GBF1: variants seen among roughly 807,000 people sequenced by gnomAD.
The protein encoded by GBF1 is Golgi-specific brefeldin A-resistance guanine nucleotide exchange factor 1.
Under a neutral mutation model 210.5 loss-of-function variants are expected in GBF1, and 114 were observed. The ratio of observed to expected loss-of-function variants is 0.54; its 90% confidence interval spans 0.47 to 0.63. GBF1 has a LOEUF of 0.63. Among genes scored for constraint, GBF1 ranks in the 30% least tolerant of loss-of-function variants. The pLI is 0.00. For missense variants in GBF1, 1,851 were observed against 2,357.7 expected, an observed-to-expected ratio of 0.79 and a Z score of 4.45; for synonymous variants, 850 against 889.2, an observed-to-expected ratio of 0.96 and a Z score of 0.78.
intron 3 of GBF1, among the ~76,000 whole-genome samples, chr10:102,318,110 G>A (rs1334435364): frequency 4.0e-5 from 6 of 151,602 alleles, no homozygotes; most frequent in South Asian, 2.1e-4. Context: ...AGGTTTCACC[G>A]TGGTCTCGAT....
At chr10:102,377,826 C>T (rs961475118) in intron 33 of GBF1, among the ~76,000 whole-genome samples, 2 of 152,134 alleles carry the variant, frequency 1.3e-5, no homozygotes, top group Non-Finnish European at 2.9e-5. Flanking sequence ...CAGAGTTACC[C>T]TGTGTCTATT....
chr10:102,382,558 C>A lies in GBF1; in HGVS notation c.*222C>A. 1 of 497,940 alleles carries A rather than the reference C, an allele frequency of 2.0e-6. No individual in the cohort carries two copies. The highest frequency in any genetic ancestry group is 1.9e-5 in the African/African-American group (1 of 51,384). 30.8% of individuals were successfully genotyped at this position (497,940 alleles called of 1,614,324 possible). On this transcript the variant is annotated 3_prime_UTR_variant, in exon 40 of 40. Transcript: ENST00000369983. ...CTGCGCTCCATTCCTGGGGGTTCAGCCTGAGAGTGAACTCAGCTGTCATCT... is the reference window on the plus strand; with the variant it reads ...CTGCGCTCCATTCCTGGGGGTTCAGACTGAGAGTGAACTCAGCTGTCATCT...
At chr10:102,282,985 C>T (rs553231946) in intron 3 of GBF1, among the ~76,000 whole-genome samples, 83 of 152,138 alleles carry the variant, frequency 5.5e-4, no homozygotes, top group Middle Eastern at 3.4e-3. Flanking sequence ...GGTAAAGTAG[C>T]GGGTTACTAA....
At chr10:102,375,783 G>A (rs1415092159) in intron 30 of GBF1, among the ~76,000 whole-genome samples, 199 bp downstream of exon 30, 1 of 151,944 alleles carries the variant, frequency 6.6e-6, no homozygotes, top group Non-Finnish European at 1.5e-5. Flanking sequence ...CAATGCAGAC[G>A]GCTGTGAAGC....
Position 102,260,071 on chromosome 10 carries a change from C to A in GBF1, c.118C>A (p.Leu40Met). The A allele has an allele frequency of 6.3e-7, 1 of 1,591,528 alleles. No individual in the cohort carries two copies. The highest frequency in any genetic ancestry group is 8.6e-7 in the Non-Finnish European group (1 of 1,159,910). The change falls in exon 3 of 40, where the codon CTG becomes ATG. Residue 40 changes from leucine (L) to methionine (M), a missense_variant. Around this residue, in one of 3 missense-constraint regions of GBF1, gnomAD observed 804 missense variants for 958.6 expected, o/e 0.84. Coordinates refer to ENST00000369983, the MANE Select transcript of GBF1 (RefSeq NM_001377137.1). ...ACAGGATGAAGAACGGGATCCTCTG[C>A]TGCATAGTTTCGGTCATCTAAAGGA... Reference protein sequence around the residue: ...TPLDEERDPLLHSFGHLKEVL... With the variant: ...TPLDEERDPLMHSFGHLKEVL...
In GBF1 at chr10:102,362,562, C is replaced by G. The variant is rs576060189; in HGVS notation, c.1774C>G (p.His592Asp). ...LLTVIDSTEA[H>D]CQAKVLNSLT... ...GACAGTGATTGACAGCACCGAGGCC[C>G]ACTGCCAGGCTAAAGTCCTCAACAG... The change falls in exon 15 of 40, where the codon CAC becomes GAC. Residue 592 changes from histidine to aspartate, a missense_variant. His to Asp is a moderately conservative substitution (Grantham distance 81). Coordinates refer to ENST00000369983, the MANE Select transcript of GBF1 (RefSeq NM_001377137.1). 5.0e-6 allele frequency: 8 copies of G among 1,614,020 alleles called. No homozygotes were observed. In the East Asian group the frequency reaches 1.8e-4, roughly 36 times the overall value.
chr10:102,306,218 TG>T (rs2077856994), intron 3 of GBF1, among the ~76,000 whole-genome samples: 1 of 152,200 alleles, frequency 6.6e-6, no homozygotes, highest in African/African-American at 2.4e-5. Flanking sequence ...GGAAATGAGC[TG>T]GGTGTCTGTT....
intron 24 of GBF1, 100 bp from the exon 25 acceptor site, chr10:102,369,611 C>A: frequency 1.8e-6 from 2 of 1,115,804 alleles, no homozygotes; most frequent in Non-Finnish European, 1.3e-6. Flanking sequence ...AGCATAGGGG[C>A]AGAAGACTAG....
intron 3 of GBF1, among the ~76,000 whole-genome samples, chr10:102,326,255 A>G (rs1160873140): frequency 6.6e-6 from 1 of 152,248 alleles, no homozygotes; most frequent in African/African-American, 2.4e-5. Context: ...GCAATGGGGA[A>G]GTAAACACTG....
At chr10:102,258,601 G>A (rs1309089166) in intron 1 of GBF1, among the ~76,000 whole-genome samples, 1 of 150,288 alleles carries the variant, frequency 6.7e-6, no homozygotes, top group African/African-American at 2.4e-5. Flanking sequence ...GAGAAACCCC[G>A]TCTCTTCTAA....
chr10:102,368,059 C>T (rs1455695159), intron 21 of GBF1, among the ~76,000 whole-genome samples, 159 bp from the exon 22 acceptor site: 4 of 152,232 alleles, frequency 2.6e-5, no homozygotes, highest in Non-Finnish European at 5.9e-5. Context: ...TCCTTTCTTT[C>T]TGTCTGCTCC....
At chr10:102,269,428 C>G (rs76233126) in intron 3 of GBF1, among the ~76,000 whole-genome samples, 1,558 of 152,234 alleles carry the variant, frequency 0.01, 22 homozygotes, top group African/African-American at 0.036. Context: ...ATGCAGCTTG[C>G]TTCCAGGTGT....
intron 33 of GBF1, 128 bp from the exon 34 acceptor site, chr10:102,379,156 G>T: frequency 1.3e-6 from 1 of 776,004 alleles, no homozygotes; most frequent in Non-Finnish European, 2.1e-6. Flanking sequence ...AGTAGCGAGG[G>T]GGTGAGGTAT....
intron 3 of GBF1, among the ~76,000 whole-genome samples, chr10:102,264,657 T>G (rs2073655237): frequency 6.6e-6 from 1 of 152,268 alleles, no homozygotes; most frequent in South Asian, 2.1e-4. Flanking sequence ...TCCCTGTCTG[T>G]CTGCCCCTTT....
chr10:102,306,307 G>A (rs1447236683), intron 3 of GBF1, among the ~76,000 whole-genome samples: 1 of 152,208 alleles, frequency 6.6e-6, no homozygotes, highest in Non-Finnish European at 1.5e-5. Context: ...GAAGGTTTCT[G>A]AGCATGGGAG....
intron 3 of GBF1, among the ~76,000 whole-genome samples, chr10:102,285,582 C>T (rs1387642698): frequency 1.3e-5 from 2 of 152,126 alleles, no homozygotes; most frequent in Non-Finnish European, 2.9e-5. Flanking sequence ...CTTCTTACCC[C>T]TCTCTTTTTT....
Position 102,369,972 on chromosome 10 carries a change from A to C in GBF1, c.3327A>C (p.Leu1109Phe). 6.2e-7 allele frequency: 1 copy of C among 1,614,148 alleles called. No homozygotes were observed. Among genetic ancestry groups the C allele is most frequent in the Non-Finnish European group, 8.5e-7 (1 of 1,180,002 alleles). ...ACCAAGAGGCCAAGAGAGTGGCCTT[A>C]GAGTGTATAAAGGTAACTGCCCATC... is the stretch of plus-strand genomic sequence containing the variant. ...TENQEAKRVA[L>F]ECIKQCDPEK... is the part of the protein sequence containing the mutation. The change falls in exon 26 of 40, where the codon TTA becomes TTC. Residue 1109 changes from leucine (L) to phenylalanine (F), a missense_variant. Coordinates refer to ENST00000369983, the MANE Select transcript of GBF1 (RefSeq NM_001377137.1).
intron 3 of GBF1, among the ~76,000 whole-genome samples, chr10:102,267,977 T>TA (rs1176233368): frequency 6.6e-6 from 1 of 152,218 alleles, no homozygotes; most frequent in African/African-American, 2.4e-5. Context: ...TCAGCACAGT[T>TA]AGAGTGAATA....
In GBF1 at chr10:102,374,045, C is replaced by T. The variant is rs74671162; in HGVS notation, c.3661-1314C>T. Among the ~76,000 whole-genome samples the T allele has an allele frequency of 5.8e-3, 883 of 152,170 alleles. 9 individuals are homozygous for T. The highest frequency in any genetic ancestry group is 9.6e-3 in the Non-Finnish European group (652 of 68,018). On this transcript the variant is annotated intron_variant, in intron 29 of 39. Coordinates refer to ENST00000369983, the MANE Select transcript of GBF1 (RefSeq NM_001377137.1). Reference sequence around the variant, plus strand: ...CACTTATATAACATTTTTGAAATGACAGAACTTTAGAATTTGAAGACAGGC... The same window carrying T: ...CACTTATATAACATTTTTGAAATGATAGAACTTTAGAATTTGAAGACAGGC...
Sources: gnomAD v4.1 joint callset for allele counts (sites outside exome capture counted in the v4.1 genomes callset) on GRCh38, gnomAD v4.1.1 for gene constraint, gnomAD v4.1.1 regional missense constraint, MANE v1.5 for transcripts, NCBI Gene and HGNC (gene_info 2026-07-23, HGNC 2026-07-21) for gene names.